Variants in KDM1B observed in about 807,000 individuals in gnomAD.
KDM1B encodes the protein lysine-specific histone demethylase 2.
Under a neutral mutation model 107.4 loss-of-function variants are expected in KDM1B, and 63 were observed. That is an observed-to-expected ratio of 0.59 (90% CI 0.48 to 0.72). The LOEUF is 0.72. KDM1B is among the 30% of genes least tolerant of loss of function. The pLI, the probability that KDM1B is intolerant of heterozygous loss-of-function variation, is 0.00. For synonymous variants in KDM1B, 363 were observed against 363.9 expected, an observed-to-expected ratio of 1.00 and a Z score of 0.03; for missense variants, 749 against 1,020.8, an observed-to-expected ratio of 0.73 and a Z score of 3.63.
chr6:18,183,353 C>T (rs1320458160), intron 7 of KDM1B, among the ~76,000 whole-genome samples: 5 of 149,088 alleles, frequency 3.4e-5, no homozygotes, highest in South Asian at 2.1e-4. Context: ...TTGCAACCTC[C>T]ACCTCCCAGG....
intron 12 of KDM1B, among the ~76,000 whole-genome samples, chr6:18,198,637 C>T (rs865856881): frequency 1.4e-5 from 1 of 69,222 alleles, no homozygotes; most frequent in Non-Finnish European, 2.5e-5. Context: ...GACTCCATCT[C>T]AAAAAAAAAA....
In KDM1B at chr6:18,186,919, AT is replaced by A. The variant is rs956612742; in HGVS notation, c.574-870del. Among the ~76,000 whole-genome samples the A allele has an allele frequency of 6.6e-6, 1 of 151,878 alleles. No homozygotes were observed. Among genetic ancestry groups the A allele is most frequent in the African/African-American group, 2.4e-5 (1 of 41,340 alleles). ...TATAGGAACTACAATTCAAGATGAG[AT>A]TTGAGTGGGGACCCAGCCAAACCAT... is the stretch of plus-strand genomic sequence containing the variant. On this transcript the variant is annotated intron_variant, in intron 8 of 21. Transcript: ENST00000650836. This position sits in a 1 kb window ranked among gnomAD's most constrained non-coding sequence, Gnocchi z 5.6.
intron 7 of KDM1B, among the ~76,000 whole-genome samples, chr6:18,179,436 T>C (rs928927775): frequency 6.6e-5 from 10 of 152,220 alleles, no homozygotes; most frequent in African/African-American, 2.4e-4. Context: ...CTTTTCTATT[T>C]TGTTGTATAG....
At chr6:18,215,323 C>T (rs1296060299) in intron 20 of KDM1B, among the ~76,000 whole-genome samples, 194 bp downstream of exon 20, 2 of 152,214 alleles carry the variant, frequency 1.3e-5, no homozygotes. Flanking sequence ...CAGAGTACCG[C>T]AGACTGGCTG....
intron 10 of KDM1B, among the ~76,000 whole-genome samples, chr6:18,193,316 T>C (rs962990987): frequency 1.4e-5 from 2 of 146,754 alleles, no homozygotes; most frequent in Non-Finnish European, 3.0e-5. Flanking sequence ...TTTTTTTTTT[T>C]TTTTTGAGAC....
At position 18,187,966 on chromosome 6, in the gene KDM1B, A is replaced by C; in HGVS notation, c.748A>C (p.Lys250Gln). Reference protein sequence around the residue: ...AAATGNASPGKLEHSKAALSV... With the variant: ...AAATGNASPGQLEHSKAALSV... ...TGCCACTGGCAATGCCAGCCCTGGG[A>C]AGCTGGAGCACTCCAAGGCTGCCCT... is the stretch of plus-strand genomic sequence containing the variant. The change falls in exon 9 of 22, where the codon AAG (lysine) becomes CAG (glutamine). Residue 250 changes from lysine to glutamine, a missense_variant. Transcript: ENST00000650836. 6.4e-7 allele frequency: 1 copy of C among 1,550,498 alleles called. No homozygotes were observed. Among genetic ancestry groups the C allele is most frequent in the South Asian group, 1.2e-5 (1 of 84,064 alleles).
intron 21 of KDM1B, among the ~76,000 whole-genome samples, chr6:18,221,498 A>C (rs1789737916): frequency 6.6e-6 from 1 of 152,166 alleles, no homozygotes; most frequent in African/African-American, 2.4e-5. Flanking sequence ...TCCTTTGAGT[A>C]ACGTAACTCT....
Position 18,171,484 on chromosome 6 carries a change from GTTCTC to G in KDM1B, c.534+8_534+12del, listed in dbSNP as rs748079402. 6.7e-7 allele frequency: 1 copy of G among 1,487,270 alleles called. No homozygotes were observed. The allele number at this position is 1,487,270 out of a possible 1,614,324, so 92.1% of individuals were successfully genotyped here. ...AAACCAAATACTGCTATTAAGGTAT[GTTCTC>G]TTTTTGCTTTTGAGTTAATTGATAT... On this transcript the variant is annotated splice_donor_region_variant and intron_variant, in intron 7 of 21. Coordinates refer to ENST00000650836, the MANE Select transcript of KDM1B (RefSeq NM_001364614.2).
At chr6:18,194,505 T>A (rs1787516014) in intron 10 of KDM1B, among the ~76,000 whole-genome samples, 1 of 152,226 alleles carries the variant, frequency 6.6e-6, no homozygotes, top group Non-Finnish European at 1.5e-5. Flanking sequence ...TGTAAATTGC[T>A]ATATTTTCCT....
intron 10 of KDM1B, among the ~76,000 whole-genome samples, chr6:18,195,645 A>G (rs1561936529): frequency 6.8e-6 from 1 of 147,688 alleles, no homozygotes; most frequent in African/African-American, 2.5e-5. Flanking sequence ...TGAGGCAGGA[A>G]AATCATTTGA....
chr6:18,190,874 T>C (rs1422309872), intron 9 of KDM1B, among the ~76,000 whole-genome samples: 1 of 149,860 alleles, frequency 6.7e-6, no homozygotes, highest in Non-Finnish European at 1.5e-5. Context: ...CACTCCAGCC[T>C]GGGCAACAGA....
At chr6:18,166,448 G>A (rs959936743) in intron 6 of KDM1B, 70 bp downstream of exon 6, 1 of 862,050 alleles carries the variant, frequency 1.2e-6, no homozygotes, top group Admixed American at 1.8e-5. Flanking sequence ...GGATGAAAAT[G>A]CTGTTTAGGA....
In KDM1B at chr6:18,186,858, A is replaced by G. The variant is rs1582139625; in HGVS notation, c.574-934A>G. On this transcript the variant is annotated intron_variant, in intron 8 of 21. Transcript: ENST00000650836. The surrounding 1 kb of genome is among the most constrained non-coding windows in gnomAD (Gnocchi z 5.6). ...GGGTAACTGCCCCTGTGGTTTAATT[A>G]CCTCCTACCAGCTCCCTGCCATGAC... Among the ~76,000 whole-genome samples, 1 of 151,978 alleles carries G rather than the reference A, an allele frequency of 6.6e-6. No homozygotes were observed. Among genetic ancestry groups the G allele is most frequent in the African/African-American group, 2.4e-5 (1 of 41,380 alleles).
intron 7 of KDM1B, among the ~76,000 whole-genome samples, chr6:18,180,671 TTC>T (rs780839139): frequency 6.6e-6 from 1 of 152,174 alleles, no homozygotes; most frequent in African/African-American, 2.4e-5. Context: ...GTTCAAGCGA[TTC>T]TCCCACGTCA....
rs1035593627 is a variant in KDM1B at position 18,159,088 on chromosome 6, C to T, written c.-13-795C>T. Among the ~76,000 whole-genome samples the T allele has an allele frequency of 2.0e-5, 3 of 152,206 alleles. No individual in the cohort carries two copies. The highest frequency in any genetic ancestry group is 7.2e-5 in the African/African-American group (3 of 41,440). On this transcript the variant is annotated intron_variant, in intron 2 of 21. Transcript: ENST00000650836. The surrounding 1 kb of genome is among the most constrained non-coding windows in gnomAD (Gnocchi z 4.5). Reference sequence around the variant, plus strand: ...GTTCAGGCGATTCTCCTGCCCCAGCCTCCTGAGTAGCTGGAATTACAGGCA... The same window carrying T: ...GTTCAGGCGATTCTCCTGCCCCAGCTTCCTGAGTAGCTGGAATTACAGGCA...
rs995085676 is a variant in KDM1B, at chr6:18,223,478, A to C, written c.*1486A>C. 1 of 152,040 alleles carries C rather than the reference A, an allele frequency of 6.6e-6. No individual in the cohort carries two copies. The highest frequency in any genetic ancestry group is 1.9e-4 in the East Asian group (1 of 5,178). The allele number at this position is 152,040 out of a possible 1,614,324, so 9.4% of individuals were successfully genotyped here. A position where few individuals can be genotyped will look rare whatever the true frequency, so the allele number is the denominator to read the frequency against. The stretch of plus-strand genomic sequence containing the variant: ...TACTGACTGGCAAGTATTCTGCTTT[A>C]AAGTATCATGTATTAAAATGTTTAG... On this transcript the variant is annotated 3_prime_UTR_variant, in exon 22 of 22. Coordinates refer to ENST00000650836, the MANE Select transcript of KDM1B (RefSeq NM_001364614.2).
chr6:18,169,944 C>G (rs929962287), intron 6 of KDM1B, among the ~76,000 whole-genome samples: 2 of 151,874 alleles, frequency 1.3e-5, no homozygotes, highest in Non-Finnish European at 2.9e-5. Flanking sequence ...GAGTCTTGCT[C>G]TGTTGCCCAG....
At position 18,186,662 on chromosome 6, in the gene KDM1B, C is replaced by T. The variant is rs991021822; in HGVS notation, c.573+852C>T. Among the ~76,000 whole-genome samples, 6 of 152,136 alleles carry T rather than the reference C, an allele frequency of 3.9e-5. No homozygotes were observed. Among genetic ancestry groups the T allele is most frequent in the Admixed American group, 2.0e-4 (3 of 15,264 alleles). ...TTATGAAGGAAAGAGGGTTAACTGA[C>T]TCACAGTTCTGCATGGCTGGGGAGG... On this transcript the variant is annotated intron_variant, in intron 8 of 21. Transcript: ENST00000650836. The surrounding 1 kb of genome is among the most constrained non-coding windows in gnomAD (Gnocchi z 5.6).
Position 18,186,466 on chromosome 6 carries a change from A to G in KDM1B, c.573+656A>G, listed in dbSNP as rs365237. ...CTGATTTTCAGTGATTCAGGATTGG[A>G]TTGTTCTAGATGTCTGAAACTCAGG... On this transcript the variant is annotated intron_variant, in intron 8 of 21. Transcript: ENST00000650836. The surrounding 1 kb of genome is among the most constrained non-coding windows in gnomAD (Gnocchi z 5.6). Among the ~76,000 whole-genome samples, 13,435 of 152,220 alleles carry G rather than the reference A, an allele frequency of 0.088. 669 individuals are homozygous for G. Among genetic ancestry groups the G allele is most frequent in the South Asian group, 0.22 (1,048 of 4,822 alleles).
Sources: allele counts gnomAD v4.1 joint callset (sites outside exome capture counted in the v4.1 genomes callset), GRCh38; gene constraint gnomAD v4.1.1; non-coding constraint Gnocchi (gnomAD v3.1); transcripts MANE v1.5; gene names NCBI Gene and HGNC (gene_info 2026-07-23, HGNC 2026-07-21).